Variants in MED13 observed in about 807,000 individuals in gnomAD.
The protein encoded by MED13 is mediator of RNA polymerase II transcription subunit 13.
Under a neutral mutation model 225.2 loss-of-function variants are expected in MED13, and 23 were observed. The observed-to-expected ratio is 0.10, with a 90% CI of 0.07 to 0.14. The LOEUF (loss-of-function observed/expected upper bound fraction) is 0.14. Among genes scored for constraint, MED13 ranks in the 10% least tolerant of loss-of-function variants. The probability of loss-of-function intolerance (pLI) is 1.00; values close to 1 mark genes in which losing one functional copy is unlikely to be tolerated. For missense variants in MED13, 2,197 were observed against 2,594.5 expected (o/e 0.85, Z 3.33); for synonymous variants, 942 against 889.2 (o/e 1.06, Z -1.06).
intron 3 of MED13, among the ~76,000 whole-genome samples, chr17:62,046,034 TTC>T (rs1401385532): frequency 6.6e-6 from 1 of 152,240 alleles, no homozygotes; most frequent in African/African-American, 2.4e-5. Context: ...ATCATAAATT[TTC>T]TTTCTTTACA....
Position 61,946,379 on chromosome 17 carries a change from C to G in MED13, c.*89G>C. The G allele has an allele frequency of 6.9e-7, 1 of 1,455,404 alleles. No individual in the cohort carries two copies. The highest frequency in any genetic ancestry group is 9.4e-7 in the Non-Finnish European group (1 of 1,066,444). The allele number at this position is 1,455,404 out of a possible 1,614,324, so 90.2% of individuals were successfully genotyped here. A position where few individuals can be genotyped will look rare whatever the true frequency, so the allele number is the denominator to read the frequency against. Reference sequence around the variant, plus strand: ...AGAATTAGACCCCATCACAAATGACCTTCACTGAGAAGATAATTGTAACTT... The same window carrying G: ...AGAATTAGACCCCATCACAAATGACGTTCACTGAGAAGATAATTGTAACTT... On this transcript the variant is annotated 3_prime_UTR_variant, in exon 30 of 30. Coordinates refer to ENST00000397786, the MANE Select transcript of MED13 (RefSeq NM_005121.3).
At chr17:62,001,349 T>G (rs971190894) in intron 9 of MED13, among the ~76,000 whole-genome samples, 12 of 152,210 alleles carry the variant, frequency 7.9e-5, no homozygotes, top group African/African-American at 2.9e-4. Flanking sequence ...AATTTCCCAG[T>G]GTCGGCCTCA....
At chr17:61,946,702 AAG>A (rs1243106607) in intron 29 of MED13, 102 bp from the exon 30 acceptor site, 42 of 1,427,774 alleles carry the variant, frequency 2.9e-5, no homozygotes, top group Non-Finnish European at 4.1e-5. Context: ...CACCTTAAAA[AAG>A]AGTGTAACAG....
At chr17:61,998,839 T>C (rs2080368435) in intron 9 of MED13, among the ~76,000 whole-genome samples, 1 of 151,530 alleles carries the variant, frequency 6.6e-6, no homozygotes, top group Non-Finnish European at 1.5e-5. Context: ...GCTCAAGTGA[T>C]CCTCCCATGT....
chr17:61,964,522 G>A (rs113546240), intron 20 of MED13, among the ~76,000 whole-genome samples: 7 of 152,100 alleles, frequency 4.6e-5, no homozygotes, highest in South Asian at 2.1e-4. Context: ...CCGTGATCAC[G>A]CCACTATACT....
Position 61,961,081 on chromosome 17 carries a change from A to G in MED13, c.5266T>C (p.Cys1756Arg). 1 of 1,611,994 alleles carries G rather than the reference A, an allele frequency of 6.2e-7. No homozygotes were observed. Residue 1756 changes from cysteine (C) to arginine (R), a missense_variant, in exon 23 of 30, where the codon TGT (cysteine) becomes CGT (arginine). Physicochemically the swap from Cys to Arg is radical, Grantham distance 180. Coordinates refer to ENST00000397786, the MANE Select transcript of MED13 (RefSeq NM_005121.3). ...TALRSPDRPE[C>R]IRLYAPPFIL... ...AAAGGAGGTGCATAAAGTCGAATAC[A>G]CTCTGGTCTCTATAAAATAAAAAAT...
Position 62,031,796 on chromosome 17 carries a change from CTT to C in MED13, c.815-160_815-159del, listed in dbSNP as rs201086493. Among the ~76,000 whole-genome samples, 66 of 144,710 alleles carry C rather than the reference CTT, an allele frequency of 4.6e-4. 1 individual carries two copies. In the South Asian group the frequency reaches 0.013, roughly 29 times the overall value. 94.9% of individuals were successfully genotyped at this position (144,710 alleles called of 152,430 possible). On this transcript the variant is annotated intron_variant, in intron 5 of 29. Transcript: ENST00000397786. ...CTTCTTTGGCATAAGTTTTTCTTTT[CTT>C]TTTTTTTTTTCTCTTTTTTAGAAGA...
At chr17:62,025,646 C>T (rs572543504) in intron 8 of MED13, among the ~76,000 whole-genome samples, 58 of 152,154 alleles carry the variant, frequency 3.8e-4, no homozygotes, top group African/African-American at 1.3e-3. Flanking sequence ...CTCCTGTCTG[C>T]GAGATATCGT....
At chr17:62,044,331 AT>A (rs987010901) in intron 3 of MED13, among the ~76,000 whole-genome samples, 2 of 152,194 alleles carry the variant, frequency 1.3e-5, no homozygotes, top group African/African-American at 4.8e-5. Flanking sequence ...ACCCAAAAAA[AT>A]AACTTTCTGC....
intron 2 of MED13, among the ~76,000 whole-genome samples, chr17:62,056,944 T>C (rs1408542686): frequency 2.0e-5 from 3 of 152,104 alleles, no homozygotes; most frequent in Admixed American, 6.6e-5. Context: ...GATTACCATA[T>C]TTTTTTCCTG....
intron 10 of MED13, among the ~76,000 whole-genome samples, chr17:61,993,186 T>C (rs1322152321): frequency 7.3e-6 from 1 of 136,612 alleles, no homozygotes; most frequent in Non-Finnish European, 1.5e-5. Context: ...TCCATGTTCT[T>C]TCTTTCTTTC....
chr17:61,992,080 A>G (rs1403681675), intron 11 of MED13, among the ~76,000 whole-genome samples: 1 of 152,236 alleles, frequency 6.6e-6, no homozygotes, highest in East Asian at 1.9e-4. Flanking sequence ...TGATGATGAA[A>G]CACTCTACTG....
intron 8 of MED13, among the ~76,000 whole-genome samples, chr17:62,024,790 A>C (rs2080684765): frequency 6.6e-6 from 1 of 151,962 alleles, no homozygotes; most frequent in African/African-American, 2.4e-5. Flanking sequence ...GCAATATTTA[A>C]TTTTCAGTTC....
At chr17:62,058,531 A>AG in intron 2 of MED13, among the ~76,000 whole-genome samples, 1 of 151,104 alleles carries the variant, frequency 6.6e-6, no homozygotes, top group East Asian at 1.9e-4. Context: ...AAAAAAAAAA[A>AG]AAAAAAAAAA....
At chr17:62,004,000 T>A (rs980205733) in intron 9 of MED13, 1 of 152,210 alleles carries the variant, frequency 6.6e-6, no homozygotes, top group Admixed American at 6.5e-5. Context: ...TATTTAAAGT[T>A]ATGGCTAGAA....
In MED13 at chr17:61,985,013, C is replaced by T. The variant is rs754009595; in HGVS notation, c.2463G>A (p.Pro821=). ...CKESKTGNLD[P]LSCISTADLH... ...AGGGAAGCTTACTTATGCAAGATAACGGGTCCAGATTTCCTGTCTTTGATT... is the reference window on the plus strand; with the variant it reads ...AGGGAAGCTTACTTATGCAAGATAATGGGTCCAGATTTCCTGTCTTTGATT... The change falls in exon 13 of 30, where the codon CCG becomes CCA. Residue 821 remains proline (P), a synonymous_variant. Transcript: ENST00000397786. The T allele has an allele frequency of 9.9e-6, 16 of 1,613,576 alleles. No individual in the cohort carries two copies. In the African/African-American group the frequency reaches 1.6e-4, roughly 16 times the overall value.
rs1291188613 is a variant in MED13 at position 62,065,198 on chromosome 17, G to A, written c.8C>T (p.Ala3Val). ...GCTGGCCCCGTTCGGCACGAAGGAG[G>A]CACTCATCGTCCCTCACAGCAGCCG... MS[A>V]SFVPNGASLE... Residue 3 changes from alanine (A) to valine (V), a missense_variant, in exon 1 of 30, where the codon GCC (alanine) becomes GTC (valine). Around this residue, in one of 12 missense-constraint regions of MED13, gnomAD observed 884 missense variants for 918.5 expected, o/e 0.96. Transcript: ENST00000397786. 1.1e-5 allele frequency: 18 copies of A among 1,567,292 alleles called. No homozygotes were observed. Among genetic ancestry groups the A allele is most frequent in the Non-Finnish European group, 1.6e-5 (18 of 1,158,308 alleles).
intron 8 of MED13, among the ~76,000 whole-genome samples, chr17:62,027,641 G>A (rs1372154235): frequency 2.0e-5 from 3 of 152,074 alleles, no homozygotes; most frequent in South Asian, 2.1e-4. Flanking sequence ...AGACTAAACA[G>A]ATAACCTACA....
intron 2 of MED13, among the ~76,000 whole-genome samples, chr17:62,055,514 C>T (rs1265046877): frequency 6.6e-6 from 1 of 151,826 alleles, no homozygotes; most frequent in Non-Finnish European, 1.5e-5. Context: ...AACTTGCAGT[C>T]AAATGATTTA....
Sources: gnomAD v4.1 joint callset for allele counts (sites outside exome capture counted in the v4.1 genomes callset) on GRCh38, gnomAD v4.1.1 for gene constraint, gnomAD v4.1.1 regional missense constraint, MANE v1.5 for transcripts, NCBI Gene and HGNC (gene_info 2026-07-23, HGNC 2026-07-21) for gene names.